CD247: variants seen among roughly 807,000 people sequenced by gnomAD.
CD247 encodes CD247 molecule.
A neutral mutation model predicts 30.0 loss-of-function variants in CD247; 13 were observed. The observed-to-expected ratio is 0.43, with a 90% CI of 0.28 to 0.69. The LOEUF (loss-of-function observed/expected upper bound fraction) is 0.69, where lower values mean the gene tolerates loss of function less well. Among genes scored for constraint, CD247 ranks in the 30% least tolerant of loss-of-function variants. The probability of loss-of-function intolerance (pLI) is 0.16; values close to 1 mark genes in which losing one functional copy is unlikely to be tolerated. For missense variants in CD247, 193 were observed against 212.6 expected (o/e 0.91, Z 0.57); for synonymous variants, 72 against 80.0 (o/e 0.90, Z 0.53).
chr1:167,506,104 A>G (rs1269321379), intron 1 of CD247, among the ~76,000 whole-genome samples: 4 of 152,196 alleles, frequency 2.6e-5, no homozygotes, highest in African/African-American at 4.8e-5. Context: ...AAAATCCAGA[A>G]GTGGAACTTG....
chr1:167,440,116 C>A (rs767903223), intron 2 of CD247: 5 of 164,554 alleles, frequency 3.0e-5, no homozygotes, highest in Middle Eastern at 2.9e-3. Flanking sequence ...AAAATTCAAA[C>A]AAGAAATGGG....
intron 1 of CD247, among the ~76,000 whole-genome samples, chr1:167,464,284 C>T (rs1653145008): frequency 6.6e-6 from 1 of 152,174 alleles, no homozygotes; most frequent in Non-Finnish European, 1.5e-5. Context: ...TGGAGTCCAG[C>T]ATGAAGATGC....
Position 167,505,303 on chromosome 1 carries a change from C to T in CD247, c.58+13105G>A, listed in dbSNP as rs924346032. 4.6e-5 allele frequency among the ~76,000 whole-genome samples: 7 copies of T among 152,030 alleles called. No individual in the cohort carries two copies. In the South Asian group the frequency reaches 6.2e-4, roughly 14 times the overall value. ...TGTTGTTGAGATACGGTTTACATAC[C>T]ATAAGACATTGTCTGAGCCTAGATA... On this transcript the variant is annotated intron_variant, in intron 1 of 7. Coordinates refer to ENST00000362089, the MANE Select transcript of CD247 (RefSeq NM_198053.3).
chr1:167,485,037 C>T (rs544074165), intron 1 of CD247, among the ~76,000 whole-genome samples: 1 of 152,288 alleles, frequency 6.6e-6, no homozygotes, highest in South Asian at 2.1e-4. Flanking sequence ...CAAACACTGG[C>T]CCTGTCCTGA....
chr1:167,451,580 G>A (rs1047694412), intron 1 of CD247, among the ~76,000 whole-genome samples: 9 of 152,126 alleles, frequency 5.9e-5, no homozygotes, highest in African/African-American at 2.2e-4. Context: ...TCCTGAAAGG[G>A]TGAAACCCAT....
intron 5 of CD247, chr1:167,434,499 T>G: frequency 2.8e-6 from 1 of 352,808 alleles, no homozygotes; most frequent in Non-Finnish European, 5.6e-6. Context: ...CGGGGAGGCA[T>G]CTCCTTCACA....
intron 1 of CD247, among the ~76,000 whole-genome samples, chr1:167,484,148 C>T (rs1048987021): frequency 6.6e-6 from 1 of 152,176 alleles, no homozygotes; most frequent in African/African-American, 2.4e-5. Context: ...TTCCTCGTGC[C>T]CCACACAGGC....
At chr1:167,500,297 C>T (rs1033655655) in intron 1 of CD247, among the ~76,000 whole-genome samples, 4 of 152,226 alleles carry the variant, frequency 2.6e-5, no homozygotes, top group Admixed American at 1.3e-4. Context: ...CTTTATTGTC[C>T]TACAGTAATT....
chr1:167,460,327 G>A (rs892420753), intron 1 of CD247, among the ~76,000 whole-genome samples: 5 of 152,236 alleles, frequency 3.3e-5, no homozygotes, highest in South Asian at 2.1e-4. Context: ...ACCTGAGCCC[G>A]AGGAGGTCCA....
chr1:167,497,342 A>G (rs543719054), intron 1 of CD247, among the ~76,000 whole-genome samples: 4 of 152,218 alleles, frequency 2.6e-5, no homozygotes, highest in Admixed American at 1.3e-4. Flanking sequence ...TTCCCCAATA[A>G]GTATGCTTTG....
At chr1:167,473,288 C>T (rs566366871) in intron 1 of CD247, among the ~76,000 whole-genome samples, 1 of 152,326 alleles carries the variant, frequency 6.6e-6, no homozygotes, top group South Asian at 2.1e-4. Context: ...TGTGGTTTCT[C>T]CTGCTCCCTG....
At chr1:167,472,786 GTC>G (rs1653584340) in intron 1 of CD247, among the ~76,000 whole-genome samples, 1 of 152,124 alleles carries the variant, frequency 6.6e-6, no homozygotes, top group Non-Finnish European at 1.5e-5. Context: ...CTAATCTTGT[GTC>G]TGACCCTCTT....
chr1:167,477,033 C>T (rs1164806398), intron 1 of CD247, among the ~76,000 whole-genome samples: 2 of 152,204 alleles, frequency 1.3e-5, no homozygotes, highest in Non-Finnish European at 2.9e-5. Flanking sequence ...CTATTGGCCC[C>T]ACTGTTGTAA....
intron 1 of CD247, among the ~76,000 whole-genome samples, chr1:167,501,049 T>A (rs895411672): frequency 6.7e-6 from 1 of 149,086 alleles, no homozygotes; most frequent in African/African-American, 2.5e-5. Context: ...CTGATCCTAT[T>A]GTTCTTTTTT....
chr1:167,475,232 A>G lies in CD247; in HGVS notation c.59-34465T>C, dbSNP rs565426065. Among the ~76,000 whole-genome samples, 6 of 152,308 alleles carry G rather than the reference A, an allele frequency of 3.9e-5. No individual in the cohort carries two copies. The East Asian group carries it at 1.2e-3, about 29-fold the overall frequency. ...CAAACACACATAAGAGTGGAATAGT[A>G]GAATGAGCCTCTGTGCACCTGTCGC... On this transcript the variant is annotated intron_variant, in intron 1 of 7. Transcript: ENST00000362089.
rs763074967 is a variant in CD247, at chr1:167,435,406, A to T, written c.329T>A (p.Leu110Gln). 6.2e-7 allele frequency: 1 copy of T among 1,612,292 alleles called. No homozygotes were observed. ...GAGGTCTCCTCTACTCACATTGTAC[A>T]GGCCTTCCTGAGGGTTCTTCCTTCT... ...PQRRKNPQEG[L>Q]YNELQKDKMA... is the part of the protein sequence containing the mutation. Residue 110 changes from leucine (L) to glutamine (Q), a missense_variant, in exon 5 of 8, where the codon CTG becomes CAG. Coordinates refer to ENST00000362089, the MANE Select transcript of CD247 (RefSeq NM_198053.3).
intron 2 of CD247, 83 bp from the exon 3 acceptor site, chr1:167,439,483 G>A (rs893668534): frequency 8.2e-7 from 1 of 1,220,858 alleles, no homozygotes; most frequent in Non-Finnish European, 1.2e-6. Flanking sequence ...GGCGACCCGA[G>A]GGACAGCCCT....
At chr1:167,437,264 G>T (rs1651589153) in intron 4 of CD247, among the ~76,000 whole-genome samples, 1 of 152,092 alleles carries the variant, frequency 6.6e-6, no homozygotes, top group Non-Finnish European at 1.5e-5. Context: ...AATTAGCCAA[G>T]CGTGGTGGCG....
Position 167,494,673 on chromosome 1 carries a change from A to G in CD247, c.58+23735T>C, listed in dbSNP as rs1654605938. ...ACACAGCCCATGTCTCTGGATTGTT[A>G]AAAGGATCAAAAAAGATCATGAGTA... On this transcript the variant is annotated intron_variant, in intron 1 of 7. Coordinates refer to ENST00000362089, the MANE Select transcript of CD247 (RefSeq NM_198053.3). The surrounding 1 kb of genome is among the most constrained non-coding windows in gnomAD (Gnocchi z 7.3). Among the ~76,000 whole-genome samples the G allele has an allele frequency of 6.6e-6, 1 of 152,204 alleles. No homozygotes were observed. Among genetic ancestry groups the G allele is most frequent in the South Asian group, 2.1e-4 (1 of 4,826 alleles).
Sources: gnomAD v4.1 joint callset for allele counts (sites outside exome capture counted in the v4.1 genomes callset) on GRCh38, gnomAD v4.1.1 for gene constraint, Gnocchi (gnomAD v3.1) non-coding constraint, MANE v1.5 for transcripts, NCBI Gene and HGNC (gene_info 2026-07-23, HGNC 2026-07-21) for gene names.